TMEM200A: variants seen among roughly 807,000 people sequenced by gnomAD.
TMEM200A encodes two transmembrane C.
In TMEM200A, 12 loss-of-function variants were observed where a neutral mutation model predicts 24.3. The ratio of observed to expected loss-of-function variants is 0.49; its 90% CI spans 0.32 to 0.80. The LOEUF (loss-of-function observed/expected upper bound fraction) is 0.80, where lower values mean the gene tolerates loss of function less well. Ranked by LOEUF, TMEM200A falls within the 30% of genes least tolerant of loss-of-function variation. The pLI, the probability that TMEM200A is intolerant of heterozygous loss-of-function variation, is 0.04. For missense variants in TMEM200A, 545 were observed against 614.4 expected (o/e 0.89, Z 1.19); for synonymous variants, 224 against 224.4 (o/e 1.00, Z 0.02).
intron 2 of TMEM200A, among the ~76,000 whole-genome samples, chr6:130,403,943 TGTTA>T (rs898834020): frequency 2.6e-5 from 4 of 152,134 alleles, no homozygotes; most frequent in Non-Finnish European, 5.9e-5. Flanking sequence ...TATGCTCCTA[TGTTA>T]GTTTGCTGAG....
At chr6:130,400,933 C>T (rs571669949) in intron 2 of TMEM200A, among the ~76,000 whole-genome samples, 1 of 152,076 alleles carries the variant, frequency 6.6e-6, no homozygotes, top group African/African-American at 2.4e-5. Flanking sequence ...AATAAATAAA[C>T]AAAATTTAGT....
At chr6:130,365,839 C>A, upstream of TMEM200A, 1 of 985,600 alleles carries the variant, frequency 1.0e-6, no homozygotes, top group Non-Finnish European at 1.2e-6. Flanking sequence ...ATCCTGTCTG[C>A]GTCCTCCAGG....
intron 2 of TMEM200A, among the ~76,000 whole-genome samples, chr6:130,414,718 A>G (rs1301733497): frequency 6.6e-6 from 1 of 152,196 alleles, no homozygotes; most frequent in Non-Finnish European, 1.5e-5. Flanking sequence ...CTGTAACATC[A>G]TTTGGCCAAG....
intron 2 of TMEM200A, among the ~76,000 whole-genome samples, chr6:130,434,334 GT>G (rs1779949259): frequency 6.6e-6 from 1 of 152,218 alleles, no homozygotes; most frequent in African/African-American, 2.4e-5. Context: ...CTAATTCAGT[GT>G]TTGATCTTCA....
At chr6:130,407,781 T>A (rs1779239049) in intron 2 of TMEM200A, among the ~76,000 whole-genome samples, 1 of 152,172 alleles carries the variant, frequency 6.6e-6, no homozygotes, top group South Asian at 2.1e-4. Context: ...AAAAGTTATA[T>A]AAAGGGTCAT....
At position 130,366,819 on chromosome 6, in the gene TMEM200A, T is replaced by C. The variant is rs951978653; in HGVS notation, c.-81+295T>C. Among the ~76,000 whole-genome samples the C allele has an allele frequency of 2.6e-5, 4 of 152,320 alleles. No homozygotes were observed. Among genetic ancestry groups the C allele is most frequent in the South Asian group, 4.1e-4 (2 of 4,832 alleles). On this transcript the variant is annotated intron_variant, in intron 1 of 2. Coordinates refer to ENST00000296978, the MANE Select transcript of TMEM200A (RefSeq NM_001258277.2). The surrounding 1 kb of genome is among the most constrained non-coding windows in gnomAD (Gnocchi z 4.4). ...CAACACCCTCCTTTGTCTCGGTTCCTGAGAGTCAGCATTCTCTGTAATGTC... is the reference window on the plus strand; with the variant it reads ...CAACACCCTCCTTTGTCTCGGTTCCCGAGAGTCAGCATTCTCTGTAATGTC...
At chr6:130,408,716 T>C (rs1194859476) in intron 2 of TMEM200A, among the ~76,000 whole-genome samples, 1 of 152,104 alleles carries the variant, frequency 6.6e-6, no homozygotes, top group African/African-American at 2.4e-5. Context: ...TATTATGATG[T>C]GGGTCACAGA....
chr6:130,384,926 G>A (rs1778678872), intron 1 of TMEM200A, among the ~76,000 whole-genome samples: 1 of 152,076 alleles, frequency 6.6e-6, no homozygotes, highest in Non-Finnish European at 1.5e-5. Context: ...ATTTACATTT[G>A]GAGTACATTT....
At chr6:130,415,616 C>T (rs1390419929) in intron 2 of TMEM200A, among the ~76,000 whole-genome samples, 1 of 152,130 alleles carries the variant, frequency 6.6e-6, no homozygotes, top group Non-Finnish European at 1.5e-5. Flanking sequence ...TACTAAATTA[C>T]GAGAAATCTA....
chr6:130,380,663 A>G (rs1778574754), intron 1 of TMEM200A, among the ~76,000 whole-genome samples: 1 of 152,168 alleles, frequency 6.6e-6, no homozygotes, highest in Non-Finnish European at 1.5e-5. Context: ...TTATTTTCCT[A>G]CAGTGAAATA....
intron 2 of TMEM200A, among the ~76,000 whole-genome samples, chr6:130,425,970 T>C (rs1779726218): frequency 6.6e-6 from 1 of 152,146 alleles, no homozygotes; most frequent in Non-Finnish European, 1.5e-5. Flanking sequence ...TTAGAAAGCA[T>C]ACACATATCA....
At chr6:130,408,111 A>T (rs6420748) in intron 2 of TMEM200A, among the ~76,000 whole-genome samples, 1 of 151,982 alleles carries the variant, frequency 6.6e-6, no homozygotes, top group Non-Finnish European at 1.5e-5. Context: ...CAGGATAGTA[A>T]TAAAAGTGCC....
At chr6:130,367,579 T>G (rs1487442745) in intron 1 of TMEM200A, among the ~76,000 whole-genome samples, 1 of 152,238 alleles carries the variant, frequency 6.6e-6, no homozygotes, top group Non-Finnish European at 1.5e-5. Flanking sequence ...TAGAAAGCAT[T>G]ATCATTTTGT....
At chr6:130,379,187 G>A (rs1158015233) in intron 1 of TMEM200A, among the ~76,000 whole-genome samples, 4 of 152,196 alleles carry the variant, frequency 2.6e-5, no homozygotes, top group Non-Finnish European at 5.9e-5. Context: ...CAAACCATAG[G>A]AGGTGTGAAC....
intron 2 of TMEM200A, among the ~76,000 whole-genome samples, chr6:130,401,948 G>A (rs1267947897): frequency 2.0e-5 from 3 of 151,502 alleles, no homozygotes; most frequent in Non-Finnish European, 2.9e-5. Context: ...TCTTTATATG[G>A]TAGGGACAGT....
chr6:130,414,431 CA>C (rs11317905), intron 2 of TMEM200A, among the ~76,000 whole-genome samples: 14,049 of 57,856 alleles, frequency 0.24, 877 homozygotes, highest in African/African-American at 0.41. Context: ...GACTCCATCT[CA>C]AAAAAAAAAA....
At chr6:130,367,704 T>C (rs1372791279) in intron 1 of TMEM200A, among the ~76,000 whole-genome samples, 1 of 152,232 alleles carries the variant, frequency 6.6e-6, no homozygotes, top group Admixed American at 6.5e-5. Flanking sequence ...AAGTGAAGAA[T>C]AGAAGTCCTT....
intron 1 of TMEM200A, among the ~76,000 whole-genome samples, chr6:130,376,265 C>T (rs975062566): frequency 2.0e-5 from 3 of 152,036 alleles, no homozygotes; most frequent in Non-Finnish European, 2.9e-5. Flanking sequence ...ATAATTATCA[C>T]ATTCAATTAA....
chr6:130,367,496 A>G (rs564364916), intron 1 of TMEM200A, among the ~76,000 whole-genome samples: 33 of 152,302 alleles, frequency 2.2e-4, no homozygotes, highest in Admixed American at 9.8e-4. Flanking sequence ...TGTGAAAGCT[A>G]TTTACTTTGT....
Sources: allele counts gnomAD v4.1 joint callset (sites outside exome capture counted in the v4.1 genomes callset), GRCh38; gene constraint gnomAD v4.1.1; non-coding constraint Gnocchi (gnomAD v3.1); transcripts MANE v1.5; gene names NCBI Gene and HGNC (gene_info 2026-07-23, HGNC 2026-07-21).